Variants in CHRM3 observed in about 807,000 individuals in gnomAD.
CHRM3 encodes cholinergic receptor muscarinic 3, also known as muscarinic acetylcholine receptor M3.
Under a neutral mutation model 41.8 loss-of-function variants are expected in CHRM3, and 11 were observed. That is an observed-to-expected ratio of 0.26 (90% CI 0.17 to 0.44). The LOEUF is 0.44. Ranked by LOEUF, CHRM3 falls within the 20% of genes least tolerant of loss-of-function variation. The pLI is 1.00. For synonymous variants in CHRM3, 297 were observed against 301.4 expected (o/e 0.99, Z 0.15); for missense variants, 571 against 745.4 (o/e 0.77, Z 2.72).
In CHRM3 at chr1:239,785,904, T is replaced by C. The variant is rs575604847; in HGVS notation, c.-146-41348T>C. Among the ~76,000 whole-genome samples the C allele has an allele frequency of 1.8e-4, 28 of 152,330 alleles. No individual in the cohort carries two copies. In the South Asian group the frequency reaches 4.8e-3, roughly 26 times the overall value. ...GAAGGGACCAGAATTATTTTCTTTA[T>C]GTAAAATTTTATATGTGTTTAAAAT... On this transcript the variant is annotated intron_variant, in intron 5 of 6. Coordinates refer to ENST00000676153, the MANE Select transcript of CHRM3 (RefSeq NM_001375978.1).
chr1:239,475,947 G>T (rs959131411), intron 1 of CHRM3, among the ~76,000 whole-genome samples: 1 of 151,922 alleles, frequency 6.6e-6, no homozygotes, highest in Non-Finnish European at 1.5e-5. Context: ...TCATTCATTT[G>T]GTCTCCCCCA....
chr1:239,636,772 A>T (rs531190691), intron 4 of CHRM3, among the ~76,000 whole-genome samples: 1 of 152,344 alleles, frequency 6.6e-6, no homozygotes, highest in South Asian at 2.1e-4. Flanking sequence ...AATAAAAGTC[A>T]GAAGCAGTAG....
chr1:239,435,427 C>T (rs985594742), intron 1 of CHRM3, among the ~76,000 whole-genome samples: 7 of 146,140 alleles, frequency 4.8e-5, no homozygotes, highest in African/African-American at 1.5e-4. Context: ...CCAGCCTGGG[C>T]GACAGAGCGA....
chr1:239,822,453 T>G (rs1672129339), intron 5 of CHRM3, among the ~76,000 whole-genome samples: 1 of 152,236 alleles, frequency 6.6e-6, no homozygotes, highest in Non-Finnish European at 1.5e-5. Flanking sequence ...CAAAGGTGGA[T>G]GTGCGGTGAT....
chr1:239,472,237 T>C (rs1666177875), intron 1 of CHRM3, among the ~76,000 whole-genome samples: 1 of 152,228 alleles, frequency 6.6e-6, no homozygotes, highest in Admixed American at 6.5e-5. Flanking sequence ...TGTCCCTTTC[T>C]TGTCCTCAAG....
chr1:239,472,414 T>G (rs1666187892), intron 1 of CHRM3, among the ~76,000 whole-genome samples: 1 of 152,200 alleles, frequency 6.6e-6, no homozygotes, highest in African/African-American at 2.4e-5. Context: ...TGGAAGCTCC[T>G]GAAAATAATT....
At chr1:239,682,625 G>T (rs1443781931) in intron 5 of CHRM3, among the ~76,000 whole-genome samples, 1 of 151,340 alleles carries the variant, frequency 6.6e-6, no homozygotes. Context: ...CATGCTATTG[G>T]TTAGGATTCA....
chr1:239,707,388 G>T (rs984150759), intron 5 of CHRM3: 1 of 152,078 alleles, frequency 6.6e-6, no homozygotes, highest in Non-Finnish European at 1.5e-5. Context: ...ACACACAGCC[G>T]TTGTGGGCCC....
chr1:239,765,802 G>A lies in CHRM3; in HGVS notation c.-146-61450G>A, dbSNP rs138810302. 1.1e-3 allele frequency among the ~76,000 whole-genome samples: 165 copies of A among 151,302 alleles called. 1 individual carries two copies. The highest frequency in any genetic ancestry group is 3.9e-3 in the African/African-American group (161 of 41,134). On this transcript the variant is annotated intron_variant, in intron 5 of 6. Transcript: ENST00000676153. ...GAACTAAGTTTAATAAAATGAATGA[G>A]TATTTTCTTTTTTATCTTTTTTTTT...
intron 3 of CHRM3, among the ~76,000 whole-genome samples, chr1:239,556,959 A>G (rs939748673): frequency 2.0e-5 from 3 of 152,192 alleles, no homozygotes; most frequent in African/African-American, 7.2e-5. Context: ...TTACAAGCTT[A>G]GAATAAATAA....
intron 2 of CHRM3, among the ~76,000 whole-genome samples, chr1:239,531,316 A>G (rs970680190): frequency 1.5e-4 from 23 of 152,198 alleles, no homozygotes; most frequent in Non-Finnish European, 2.2e-4. Context: ...ACATAGATCA[A>G]TAGAACATAA....
In CHRM3 at chr1:239,836,549, C is replaced by T. The variant is rs141421508; in HGVS notation, c.-20+9171C>T. Among the ~76,000 whole-genome samples, 744 of 152,230 alleles carry T rather than the reference C, an allele frequency of 4.9e-3. 7 individuals carry two copies. Among genetic ancestry groups the T allele is most frequent in the African/African-American group, 0.017 (717 of 41,542 alleles). Reference sequence around the variant, plus strand: ...TATGCTCTGCTAGAAATGCGGAAGCCAAGTTCATTCTACCATCCCCGTACA... The same window carrying T: ...TATGCTCTGCTAGAAATGCGGAAGCTAAGTTCATTCTACCATCCCCGTACA... On this transcript the variant is annotated intron_variant, in intron 6 of 6. Transcript: ENST00000676153.
At chr1:239,828,858 A>T (rs1672675615) in intron 6 of CHRM3, among the ~76,000 whole-genome samples, 1 of 152,108 alleles carries the variant, frequency 6.6e-6, no homozygotes. Context: ...ATGGGAGGAG[A>T]TCTAAGATGA....
chr1:239,831,989 C>G (rs576386), intron 6 of CHRM3, among the ~76,000 whole-genome samples: 84,941 of 152,084 alleles, frequency 0.56, 24,048 homozygotes, highest in Admixed American at 0.61. Flanking sequence ...GAAAGACCAT[C>G]ACACTTTTGC....
intron 3 of CHRM3, chr1:239,546,434 G>A (rs984970314): frequency 1.1e-4 from 16 of 152,066 alleles, no homozygotes; most frequent in African/African-American, 3.1e-4. Context: ...AAAATAAATG[G>A]TGTTGTCTGT....
chr1:239,848,591 C>G (rs1338338594), intron 6 of CHRM3, among the ~76,000 whole-genome samples: 1 of 152,118 alleles, frequency 6.6e-6, no homozygotes, highest in Non-Finnish European at 1.5e-5. Flanking sequence ...GAGGCACAGA[C>G]AGGTTAAATA....
At chr1:239,540,232 TAAC>T (rs1474287096) in intron 2 of CHRM3, among the ~76,000 whole-genome samples, 1 of 152,194 alleles carries the variant, frequency 6.6e-6, no homozygotes, top group Non-Finnish European at 1.5e-5. Context: ...TACTTTATCT[TAAC>T]AAAATGTTAA....
At chr1:239,759,245 T>C (rs1666530222) in intron 5 of CHRM3, among the ~76,000 whole-genome samples, 1 of 141,464 alleles carries the variant, frequency 7.1e-6, no homozygotes, top group African/African-American at 2.6e-5. Flanking sequence ...GAGATGAAAC[T>C]CATATTTGAA....
At chr1:239,788,042 C>T (rs1014146807) in intron 5 of CHRM3, among the ~76,000 whole-genome samples, 12 of 151,982 alleles carry the variant, frequency 7.9e-5, no homozygotes, top group Non-Finnish European at 1.6e-4. Flanking sequence ...AAAGACTAGC[C>T]TGGGCAACAT....
Sources: allele counts gnomAD v4.1 joint callset (sites outside exome capture counted in the v4.1 genomes callset), GRCh38; gene constraint gnomAD v4.1.1; transcripts MANE v1.5; gene names NCBI Gene and HGNC (gene_info 2026-07-23, HGNC 2026-07-21).